Variants in MYO18A observed in about 807,000 individuals in gnomAD.
MYO18A encodes unconventional myosin-XVIIIa.
A neutral mutation model predicts 235.8 loss-of-function variants in MYO18A; 78 were observed. That is an observed-to-expected ratio of 0.33 (90% CI 0.28 to 0.40). The LOEUF is 0.40. Ranked by LOEUF, MYO18A falls within the 10% of genes least tolerant of loss-of-function variation. The pLI is 1.00. For missense variants in MYO18A, 2,215 were observed against 2,699.3 expected, an observed-to-expected ratio of 0.82 and a Z score of 3.98; for synonymous variants, 977 against 1,077.8, an observed-to-expected ratio of 0.91 and a Z score of 1.83.
rs373349132 is a variant in MYO18A at position 29,121,157 on chromosome 17, C to A, written c.1426G>T (p.Ala476Ser). The stretch of plus-strand genomic sequence containing the variant: ...GCCCTGTATGCGGTCTGGGCCACTG[C>A]ATAGATGTGGGGTGCCATGTCCTCC... ...RREDMAPHIY[A>S]VAQTAYRAML... Residue 476 changes from alanine to serine, a missense_variant, in exon 6 of 42, where the codon GCA (alanine) becomes TCA (serine). Transcript: ENST00000527372. The surrounding 1 kb of genome is among the most constrained non-coding windows in gnomAD (Gnocchi z 4.2). 1.4e-4 allele frequency: 229 copies of A among 1,610,776 alleles called. 3 individuals are homozygous for A. In the South Asian group the frequency reaches 1.6e-3, roughly 12 times the overall value.
intron 1 of MYO18A, among the ~76,000 whole-genome samples, chr17:29,177,300 T>C (rs2068555380): frequency 6.6e-6 from 1 of 152,188 alleles, no homozygotes; most frequent in East Asian, 1.9e-4. Flanking sequence ...TAAGTGATGA[T>C]AAACTACTTG....
Position 29,119,258 on chromosome 17 carries a change from G to C in MYO18A, c.1829+77C>G, listed in dbSNP as rs1481534523. ...ATGCGATCAAGTGGCTTTAATTCTG[G>C]ATGCAATCAAGGTCCAGGAGCCCAG... On this transcript the variant is annotated intron_variant, in intron 8 of 41. Transcript: ENST00000527372. 2.7e-6 allele frequency: 3 copies of C among 1,092,048 alleles called. No homozygotes were observed. In the African/African-American group the frequency reaches 4.7e-5, roughly 17 times the overall value. 67.6% of individuals were successfully genotyped at this position (1,092,048 alleles called of 1,614,324 possible). A position where few individuals can be genotyped will look rare whatever the true frequency, so the allele number is the denominator to read the frequency against.
intron 2 of MYO18A, chr17:29,133,985 A>G (rs1314465211): frequency 1.6e-5 from 9 of 549,264 alleles, no homozygotes; most frequent in Non-Finnish European, 2.6e-5. Flanking sequence ...AGGAGGAAGG[A>G]TTACAAAACT....
intron 2 of MYO18A, among the ~76,000 whole-genome samples, chr17:29,142,221 T>C (rs139595312): frequency 6.6e-6 from 1 of 152,204 alleles, no homozygotes. Flanking sequence ...CGTGAGCCAC[T>C]GCGCCTGGCT....
intron 2 of MYO18A, among the ~76,000 whole-genome samples, chr17:29,134,625 C>T (rs1001420779): frequency 4.0e-5 from 6 of 151,874 alleles, no homozygotes; most frequent in Admixed American, 1.3e-4. Flanking sequence ...CGGACTCAAG[C>T]GATTCTCCTG....
chr17:29,132,183 G>A (rs545038012), intron 2 of MYO18A, among the ~76,000 whole-genome samples: 1 of 152,342 alleles, frequency 6.6e-6, no homozygotes, highest in Non-Finnish European at 1.5e-5. Flanking sequence ...GAGCCCAGGA[G>A]CTGGCTGGCC....
In MYO18A at chr17:29,091,753, C is replaced by A. The variant is rs554820737; in HGVS notation, c.5187+590G>T. 167 of 445,730 alleles carry A rather than the reference C, an allele frequency of 3.7e-4. 3 individuals are homozygous for A. Among genetic ancestry groups the A allele is most frequent in the South Asian group, 8.7e-4 (55 of 63,268 alleles). The allele number at this position is 445,730 out of a possible 1,614,324, so 27.6% of individuals were successfully genotyped here. On this transcript the variant is annotated intron_variant, in intron 34 of 41. Coordinates refer to ENST00000527372, the MANE Select transcript of MYO18A (RefSeq NM_078471.4). ...CCACCAGCCCAGCCCAGCCTCCTCC[C>A]CTGCCCCATTCCCTGCCCAAGGGGC...
intron 10 of MYO18A, 30 bp from the exon 11 acceptor site, chr17:29,116,485 GCAAAGAA>G (rs780931576): frequency 6.2e-7 from 1 of 1,613,884 alleles, no homozygotes; most frequent in South Asian, 1.1e-5. Context: ...CATGCAGCAT[GCAAAGAA>G]AAACAGTGTG....
At chr17:29,105,231 C>T (rs183522383) in intron 20 of MYO18A, among the ~76,000 whole-genome samples, 1 of 142,622 alleles carries the variant, frequency 7.0e-6, no homozygotes, top group East Asian at 2.1e-4. Flanking sequence ...ATATGGAGGG[C>T]GTGAGGGATG....
rs1222025043 is a variant in MYO18A, at chr17:29,159,839, C to A, written c.999+6103G>T. Among the ~76,000 whole-genome samples, 3 of 152,228 alleles carry A rather than the reference C, an allele frequency of 2.0e-5. No individual in the cohort carries two copies. The East Asian group carries it at 5.8e-4, about 29-fold the overall frequency. ...CTGTCCTTCTCCCAGATGCAGGCAA[C>A]CCTGACTTGCCCATCTCCTGCAGGG... On this transcript the variant is annotated intron_variant, in intron 2 of 41. Coordinates refer to ENST00000527372, the MANE Select transcript of MYO18A (RefSeq NM_078471.4).
chr17:29,097,386 G>A (rs1257934458), intron 26 of MYO18A, 36 bp from the exon 27 acceptor site: 1 of 1,601,644 alleles, frequency 6.2e-7, no homozygotes, highest in Non-Finnish European at 8.5e-7. Flanking sequence ...GGATGGAGGT[G>A]CTGAGAGTCC....
At chr17:29,174,779 C>T (rs1207670019) in intron 1 of MYO18A, among the ~76,000 whole-genome samples, 1 of 152,002 alleles carries the variant, frequency 6.6e-6, no homozygotes, top group Non-Finnish European at 1.5e-5. Flanking sequence ...GCCATTGCAG[C>T]ACTCCAGCCT....
At position 29,073,966 on chromosome 17, in the gene MYO18A, C is replaced by T; in HGVS notation, c.*804G>A. The T allele has an allele frequency of 6.2e-7, 1 of 1,613,844 alleles. No individual in the cohort carries two copies. Among genetic ancestry groups the T allele is most frequent in the Non-Finnish European group, 8.5e-7 (1 of 1,179,964 alleles). ...ACTGCTGTAGTTGGAATGGGTTTAC[C>T]TTAAATAGGTCATTGCACATAACAC... On this transcript the variant is annotated 3_prime_UTR_variant, in exon 42 of 42. Transcript: ENST00000527372.
intron 40 of MYO18A, 134 bp downstream of exon 40, chr17:29,085,470 G>C: frequency 2.6e-6 from 2 of 762,468 alleles, no homozygotes; most frequent in Non-Finnish European, 2.2e-6. Flanking sequence ...GTTAGCGTTA[G>C]AGACCAGTGA....
chr17:29,134,578 A>G (rs2067551199), intron 2 of MYO18A, among the ~76,000 whole-genome samples: 1 of 151,910 alleles, frequency 6.6e-6, no homozygotes, highest in South Asian at 2.1e-4. Flanking sequence ...GCTGGAGTAC[A>G]ATGGCGTGAT....
At chr17:29,130,483 C>T (rs1445662040) in intron 2 of MYO18A, among the ~76,000 whole-genome samples, 1 of 36,564 alleles carries the variant, frequency 2.7e-5, no homozygotes, top group Non-Finnish European at 5.5e-5. Context: ...CCCACACACA[C>T]ACACACACAC....
intron 15 of MYO18A, among the ~76,000 whole-genome samples, chr17:29,113,077 C>G (rs931482111): frequency 6.6e-6 from 1 of 152,252 alleles, no homozygotes; most frequent in Non-Finnish European, 1.5e-5. Context: ...GACATCCCCC[C>G]TCTCCCGGGA....
Position 29,107,097 on chromosome 17 carries a change from C to A in MYO18A, c.3424G>T (p.Val1142Leu), listed in dbSNP as rs372597242. The change falls in exon 20 of 42, where the codon GTG becomes TTG. Residue 1142 changes from valine (V) to leucine (L), a missense_variant. By Grantham distance (32) the Val-to-Leu change is conservative. Coordinates refer to ENST00000527372, the MANE Select transcript of MYO18A (RefSeq NM_078471.4). ...GGACCTACCCGCCTTTCATCCACCA[C>A]GATGTAGTTACGCCCGTGTTTCTTG... ...LTKKHGRNYI[V>L]VDERRAVEEL... 355 of 1,613,868 alleles carry A rather than the reference C, an allele frequency of 2.2e-4. No individual in the cohort carries two copies. The highest frequency in any genetic ancestry group is 2.9e-4 in the Non-Finnish European group (348 of 1,179,892).
At chr17:29,168,306 G>A (rs966616595) in intron 1 of MYO18A, among the ~76,000 whole-genome samples, 7 of 152,162 alleles carry the variant, frequency 4.6e-5, no homozygotes, top group South Asian at 2.1e-4. Flanking sequence ...GCCCCAGGGT[G>A]TGTGAAACCT....
Sources: allele counts gnomAD v4.1 joint callset (sites outside exome capture counted in the v4.1 genomes callset), GRCh38; gene constraint gnomAD v4.1.1; non-coding constraint Gnocchi (gnomAD v3.1); transcripts MANE v1.5; gene names NCBI Gene and HGNC (gene_info 2026-07-23, HGNC 2026-07-21).